LOXHD1: variants seen among roughly 807,000 people sequenced by gnomAD.
LOXHD1 encodes the protein lipoxygenase homology PLAT domains 1, also known as lipoxygenase homology domain-containing protein 1.
A neutral mutation model predicts 248.2 loss-of-function variants in LOXHD1; 205 were observed. That is an observed-to-expected ratio of 0.83 (90% CI 0.74 to 0.93). The LOEUF is 0.93. Ranked by LOEUF, LOXHD1 falls within the 40% of genes least tolerant of loss-of-function variation. LOXHD1 has a pLI of 0.00. For synonymous variants in LOXHD1, 1,113 were observed against 1,162.8 expected, an observed-to-expected ratio of 0.96 and a Z score of 0.87; for missense variants, 2,930 against 2,971.6, an observed-to-expected ratio of 0.99 and a Z score of 0.33.
intron 23 of LOXHD1, among the ~76,000 whole-genome samples, chr18:46,543,391 T>C (rs2036649636): frequency 6.6e-6 from 1 of 152,220 alleles, no homozygotes; most frequent in Non-Finnish European, 1.5e-5. Flanking sequence ...GGTGTGTATA[T>C]ACACCATATT....
chr18:46,507,645 C>T lies in LOXHD1; in HGVS notation c.5585G>A (p.Arg1862Gln), dbSNP rs373272547. 3.5e-5 allele frequency: 55 copies of T among 1,551,732 alleles called. No homozygotes were observed. The highest frequency in any genetic ancestry group is 2.3e-4 in the African/African-American group (17 of 73,184). ...ACACACCAGGGTCTTCTTGCCCTTC[C>T]GCTGGGACAGCCAGTCTCCATAGTA... ...MFYYGDWLSQ[R>Q]KGKKTLVCEM... is the part of the protein sequence containing the mutation. The change falls in exon 36 of 41, where the codon CGG (arginine) becomes CAG (glutamine). Residue 1862 changes from arginine to glutamine, a missense_variant. By Grantham distance (43) the Arg-to-Gln change is conservative. Transcript: ENST00000642948.
intron 25 of LOXHD1, among the ~76,000 whole-genome samples, chr18:46,540,686 A>T (rs1489240428): frequency 2.5e-4 from 24 of 95,348 alleles, no homozygotes; most frequent in Non-Finnish European, 1.0e-4. Context: ...TTGGTATGGC[A>T]TGTCCTAGGG....
At chr18:46,612,656 G>A (rs915550504) in intron 5 of LOXHD1, among the ~76,000 whole-genome samples, 3 of 151,838 alleles carry the variant, frequency 2.0e-5, no homozygotes, top group African/African-American at 7.3e-5. Context: ...TGCTTTTAAT[G>A]AATTATTTAC....
At chr18:46,636,062 A>T (rs552552524) in intron 4 of LOXHD1, among the ~76,000 whole-genome samples, 1 of 152,278 alleles carries the variant, frequency 6.6e-6, no homozygotes, top group South Asian at 2.1e-4. Context: ...AGGACTAAGA[A>T]ATTGAACTTG....
chr18:46,498,942 C>T (rs1247528344), intron 37 of LOXHD1, among the ~76,000 whole-genome samples: 1 of 152,144 alleles, frequency 6.6e-6, no homozygotes, highest in Non-Finnish European at 1.5e-5. Flanking sequence ...CAGTCACCTA[C>T]AGGGGAGAAA....
intron 2 of LOXHD1, among the ~76,000 whole-genome samples, chr18:46,643,900 G>T (rs375512843): frequency 1.3e-5 from 2 of 152,070 alleles, no homozygotes; most frequent in African/African-American, 2.4e-5. Context: ...TAAAAGAAAA[G>T]GTAGGTTAAG....
intron 3 of LOXHD1, among the ~76,000 whole-genome samples, chr18:46,640,120 T>A (rs985945301): frequency 6.6e-6 from 1 of 152,212 alleles, no homozygotes; most frequent in African/African-American, 2.4e-5. Context: ...TATTCAGGTC[T>A]GTTTCCTTAC....
At chr18:46,496,375 A>G (rs1248787113) in intron 37 of LOXHD1, among the ~76,000 whole-genome samples, 3 of 152,250 alleles carry the variant, frequency 2.0e-5, no homozygotes, top group African/African-American at 7.2e-5. Flanking sequence ...GAAGATTGCT[A>G]CACTTTAAGT....
At chr18:46,544,604 G>A (rs1408403641) in intron 23 of LOXHD1, among the ~76,000 whole-genome samples, 3 of 152,124 alleles carry the variant, frequency 2.0e-5, no homozygotes, top group Admixed American at 2.0e-4. Context: ...AACTCTATAA[G>A]GCACATACTA....
intron 2 of LOXHD1, among the ~76,000 whole-genome samples, chr18:46,648,215 A>C (rs2039057113): frequency 6.6e-6 from 1 of 152,094 alleles, no homozygotes; most frequent in Non-Finnish European, 1.5e-5. Flanking sequence ...TTGAGATTGC[A>C]CCACCGCACT....
chr18:46,511,867 G>C (rs543934074), intron 34 of LOXHD1, among the ~76,000 whole-genome samples: 1 of 152,298 alleles, frequency 6.6e-6, no homozygotes, highest in South Asian at 2.1e-4. Flanking sequence ...CCTCCTTCCA[G>C]TCTGAAGTTC....
chr18:46,590,388 G>T (rs2038143759), intron 12 of LOXHD1, among the ~76,000 whole-genome samples: 1 of 152,168 alleles, frequency 6.6e-6, no homozygotes, highest in South Asian at 2.1e-4. Context: ...TGACCGTCCA[G>T]ATAATGTAGA....
At chr18:46,635,801 T>C (rs1465814552) in intron 4 of LOXHD1, among the ~76,000 whole-genome samples, 1 of 152,030 alleles carries the variant, frequency 6.6e-6, no homozygotes, top group Non-Finnish European at 1.5e-5. Context: ...GTTAAAGAAG[T>C]AGTAGTAATT....
intron 6 of LOXHD1, among the ~76,000 whole-genome samples, chr18:46,608,035 G>GGGAAGGAGGGAAGGAAGGAAGGAAGGAA (rs2038444398): frequency 1.8e-5 from 2 of 111,268 alleles, no homozygotes; most frequent in Non-Finnish European, 3.7e-5. Context: ...GAAGGAAGGA[G>GGGAAGGAGGGAAGGAAGGAAGGAAGGAA]GGAAGGAAGG....
chr18:46,488,504 T>C (rs1408893593), intron 38 of LOXHD1, among the ~76,000 whole-genome samples: 1 of 152,206 alleles, frequency 6.6e-6, no homozygotes, highest in Non-Finnish European at 1.5e-5. Context: ...TCAGCTTTGA[T>C]GGCCATCCCC....
chr18:46,652,083 T>C (rs2039118704), intron 1 of LOXHD1, among the ~76,000 whole-genome samples: 1 of 152,146 alleles, frequency 6.6e-6, no homozygotes, highest in South Asian at 2.1e-4. Flanking sequence ...TGATGCACAA[T>C]ACAGATGACT....
At chr18:46,538,365 CA>C (rs1217396925) in intron 25 of LOXHD1, 28 bp from the exon 26 acceptor site, 15 of 1,534,600 alleles carry the variant, frequency 9.8e-6, no homozygotes, top group Non-Finnish European at 1.1e-5. Context: ...AGGGCAAAGC[CA>C]GAGTGGATGA....
chr18:46,578,350 TCAGGGA>T (rs1461882454), intron 13 of LOXHD1, among the ~76,000 whole-genome samples: 1 of 152,120 alleles, frequency 6.6e-6, no homozygotes, highest in Non-Finnish European at 1.5e-5. Context: ...CTGGGAGCCT[TCAGGGA>T]CAGAAACACT....
intron 26 of LOXHD1, among the ~76,000 whole-genome samples, chr18:46,535,366 A>T (rs1367726403): frequency 6.6e-6 from 1 of 152,090 alleles, no homozygotes; most frequent in Non-Finnish European, 1.5e-5. Context: ...GGTGAGCCTT[A>T]ACCACGATGG....
Sources: allele counts gnomAD v4.1 joint callset (sites outside exome capture counted in the v4.1 genomes callset), GRCh38; gene constraint gnomAD v4.1.1; transcripts MANE v1.5; gene names NCBI Gene and HGNC (gene_info 2026-07-23, HGNC 2026-07-21).